AHI1: variants seen among roughly 807,000 people sequenced by gnomAD.
AHI1 encodes the protein Abelson helper integration site 1.
Under a neutral mutation model 149.3 loss-of-function variants are expected in AHI1, and 123 were observed. The observed-to-expected ratio is 0.82, with a 90% CI of 0.71 to 0.96. The LOEUF (loss-of-function observed/expected upper bound fraction) is 0.96. Ranked by LOEUF, AHI1 falls within the 40% of genes least tolerant of loss-of-function variation. The pLI is 0.00. For synonymous variants in AHI1, 475 were observed against 459.8 expected (o/e 1.03, Z -0.42); for missense variants, 1,439 against 1,422.7 (o/e 1.01, Z -0.18).
chr6:135,383,710 T>C (rs77505382), intron 23 of AHI1, among the ~76,000 whole-genome samples: 3,424 of 152,302 alleles, frequency 0.022, 60 homozygotes, highest in East Asian at 0.053. Context: ...AACAACATCA[T>C]TTTATATGCC....
chr6:135,303,751 G>A (rs183217890), intron 26 of AHI1, among the ~76,000 whole-genome samples: 53 of 152,252 alleles, frequency 3.5e-4, no homozygotes, highest in African/African-American at 1.3e-3. Context: ...TATTCAAAAG[G>A]CTCATGTATA....
chr6:135,470,923 A>G (rs1243888666), intron 5 of AHI1, among the ~76,000 whole-genome samples: 1 of 152,204 alleles, frequency 6.6e-6, no homozygotes, highest in Non-Finnish European at 1.5e-5. Context: ...AACATAAAAT[A>G]ACATTTGAAA....
chr6:135,388,041 A>G, intron 23 of AHI1: 1 of 1,613,742 alleles, frequency 6.2e-7, no homozygotes, highest in Non-Finnish European at 8.5e-7. Context: ...TGTCTGGAAA[A>G]CAAATTCTTG....
At chr6:135,310,646 A>T (rs1244048370) in intron 26 of AHI1, among the ~76,000 whole-genome samples, 1 of 152,244 alleles carries the variant, frequency 6.6e-6, no homozygotes, top group Non-Finnish European at 1.5e-5. Flanking sequence ...GCTATAATAG[A>T]TATTTTTATA....
In AHI1 at chr6:135,283,811, A is replaced by C. The variant is rs1261624103; in HGVS notation, c.*1834T>G. 1 of 152,168 alleles carries C rather than the reference A, an allele frequency of 6.6e-6. No individual in the cohort carries two copies. Among genetic ancestry groups the C allele is most frequent in the Non-Finnish European group, 1.5e-5 (1 of 68,030 alleles). 9.4% of individuals were successfully genotyped at this position (152,168 alleles called of 1,614,324 possible). ...TGCTTCAACTGCTATTTTTCTCTTT[A>C]GTAGTTGCAATATAAAAACAACCCT... On this transcript the variant is annotated 3_prime_UTR_variant, in exon 29 of 29. Coordinates refer to ENST00000265602, the MANE Select transcript of AHI1 (RefSeq NM_001134831.2).
At chr6:135,306,452 T>C (rs1413789081) in intron 26 of AHI1, among the ~76,000 whole-genome samples, 1 of 151,838 alleles carries the variant, frequency 6.6e-6, no homozygotes, top group Non-Finnish European at 1.5e-5. Flanking sequence ...CAACTTGGAG[T>C]AAGAAATCAG....
intron 24 of AHI1, among the ~76,000 whole-genome samples, chr6:135,329,720 TAGAC>T (rs1358407344): frequency 6.6e-6 from 1 of 152,242 alleles, no homozygotes; most frequent in Non-Finnish European, 1.5e-5. Flanking sequence ...ATAGCTGACA[TAGAC>T]AGTGATTCCT....
At position 135,390,170 on chromosome 6, in the gene AHI1, A is replaced by G. The variant is rs564721279; in HGVS notation, c.3109+4606T>C. Among the ~76,000 whole-genome samples, 4 of 152,310 alleles carry G rather than the reference A, an allele frequency of 2.6e-5. No homozygotes were observed. The South Asian group carries it at 8.3e-4, about 32-fold the overall frequency. ...GGGACTCTTGAGATGGTTGAGTGTGATCTTGATTCAGATAAAATAACATAG... is the reference window on the plus strand; with the variant it reads ...GGGACTCTTGAGATGGTTGAGTGTGGTCTTGATTCAGATAAAATAACATAG... On this transcript the variant is annotated intron_variant, in intron 23 of 28. Transcript: ENST00000265602.
intron 8 of AHI1, among the ~76,000 whole-genome samples, chr6:135,459,647 T>C (rs1176831657): frequency 6.7e-6 from 1 of 149,946 alleles, no homozygotes; most frequent in Admixed American, 6.7e-5. Context: ...AATGAAAACA[T>C]GGGACAGCCT....
At chr6:135,434,295 CTAA>C (rs2128026487) in intron 15 of AHI1, among the ~76,000 whole-genome samples, 1 of 151,894 alleles carries the variant, frequency 6.6e-6, no homozygotes, top group African/African-American at 2.4e-5. Flanking sequence ...AGAATCCAAA[CTAA>C]TAATAGAGGA....
intron 23 of AHI1, among the ~76,000 whole-genome samples, chr6:135,365,281 C>T (rs192138403): frequency 5.9e-5 from 9 of 152,260 alleles, no homozygotes; most frequent in East Asian, 1.9e-4. Context: ...GTCTTGCTTT[C>T]GCTACATGGG....
chr6:135,469,012 C>T (rs1791263578), intron 5 of AHI1, among the ~76,000 whole-genome samples: 1 of 152,072 alleles, frequency 6.6e-6, no homozygotes, highest in African/African-American at 2.4e-5. Flanking sequence ...TTTATGAGGC[C>T]AGCATCATCC....
At position 135,476,211 on chromosome 6, in the gene AHI1, T is replaced by C. The variant is rs1404049648; in HGVS notation, c.136-8577A>G. Among the ~76,000 whole-genome samples the C allele has an allele frequency of 4.6e-5, 7 of 152,302 alleles. No homozygotes were observed. In the East Asian group the frequency reaches 5.8e-4, roughly 13 times the overall value. On this transcript the variant is annotated intron_variant, in intron 5 of 28. Coordinates refer to ENST00000265602, the MANE Select transcript of AHI1 (RefSeq NM_001134831.2). ...CTTTTGTGTTTTCTTCTTCAATACA[T>C]TGATCTGGGGTCTTATTGAACTTCC... is the stretch of plus-strand genomic sequence containing the variant.
intron 19 of AHI1, among the ~76,000 whole-genome samples, chr6:135,427,755 T>C (rs1784105540): frequency 6.6e-6 from 1 of 151,404 alleles, no homozygotes; most frequent in Admixed American, 6.6e-5. Context: ...CAGATGCTGT[T>C]TGAGGTACCC....
chr6:135,483,699 T>C (rs1794067424), intron 5 of AHI1, among the ~76,000 whole-genome samples: 1 of 152,250 alleles, frequency 6.6e-6, no homozygotes, highest in African/African-American at 2.4e-5. Flanking sequence ...CAGTTTATTA[T>C]GCTCTGAGCC....
At chr6:135,306,169 G>A (rs1333240873) in intron 26 of AHI1, among the ~76,000 whole-genome samples, 1 of 152,214 alleles carries the variant, frequency 6.6e-6, no homozygotes, top group Non-Finnish European at 1.5e-5. Context: ...GGCACTCAAA[G>A]TATGTGTTAA....
At chr6:135,451,593 TACTC>T (rs1788111387) in intron 11 of AHI1, among the ~76,000 whole-genome samples, 1 of 152,126 alleles carries the variant, frequency 6.6e-6, no homozygotes, top group East Asian at 1.9e-4. Context: ...TAGAATACCT[TACTC>T]TTTCTGGGGG....
intron 12 of AHI1, among the ~76,000 whole-genome samples, chr6:135,448,012 C>T (rs937375450): frequency 2.0e-5 from 3 of 152,190 alleles, no homozygotes; most frequent in African/African-American, 7.2e-5. Context: ...TTTACAGAAA[C>T]TATTTTTCAA....
rs975407056 is a variant in AHI1 at position 135,442,840 on chromosome 6, G to A, written c.1780-126C>T. On this transcript the variant is annotated intron_variant, in intron 13 of 28. Coordinates refer to ENST00000265602, the MANE Select transcript of AHI1 (RefSeq NM_001134831.2). ...TGCAGAGAAAGAGAAAAACAAGTAC[G>A]CAGAATGGTGAAAAACCATAGTAAA... 32 of 872,510 alleles carry A rather than the reference G, an allele frequency of 3.7e-5. No homozygotes were observed. The South Asian group carries it at 5.9e-4, about 16-fold the overall frequency. The allele number at this position is 872,510 out of a possible 1,614,324, so 54.0% of individuals were successfully genotyped here. A position where few individuals can be genotyped will look rare whatever the true frequency, so the allele number is the denominator to read the frequency against.
Sources: allele counts gnomAD v4.1 joint callset (sites outside exome capture counted in the v4.1 genomes callset), GRCh38; gene constraint gnomAD v4.1.1; transcripts MANE v1.5; gene names NCBI Gene and HGNC (gene_info 2026-07-23, HGNC 2026-07-21).